Variants in OTULINL observed in about 807,000 individuals in gnomAD.
OTULINL encodes inactive ubiquitin thioesterase OTULINL.
Under a neutral mutation model 43.9 loss-of-function variants are expected in OTULINL, and 42 were observed. The ratio of observed to expected loss-of-function variants is 0.96; its 90% CI spans 0.75 to 1.24. The LOEUF is 1.24. Ranked by LOEUF, OTULINL falls within the 50% of genes most tolerant of loss-of-function variation. The pLI is 0.00. For missense variants in OTULINL, 411 were observed against 426.4 expected (o/e 0.96, Z 0.32); for synonymous variants, 172 against 153.6 (o/e 1.12, Z -0.88).
At chr5:14,597,626 C>T (rs1759309978) in intron 1 of OTULINL, among the ~76,000 whole-genome samples, 1 of 152,208 alleles carries the variant, frequency 6.6e-6, no homozygotes, top group South Asian at 2.1e-4. Flanking sequence ...CGCATTTCTC[C>T]TTTGATAGAG....
At chr5:14,610,046 T>C in intron 7 of OTULINL, 95 bp from the exon 8 acceptor site, 1 of 1,089,854 alleles carries the variant, frequency 9.2e-7, no homozygotes, top group Non-Finnish European at 1.4e-6. Flanking sequence ...AAGCAGATTA[T>C]TTCATAAACT....
chr5:14,609,841 A>G (rs1375844690), intron 7 of OTULINL, among the ~76,000 whole-genome samples: 1 of 152,054 alleles, frequency 6.6e-6, no homozygotes, highest in Non-Finnish European at 1.5e-5. Context: ...CGTGTTTTCG[A>G]TCTCCTGACC....
At chr5:14,608,686 TATGGA>T (rs1312764366) in intron 6 of OTULINL, 57 bp from the exon 7 acceptor site, 2 of 1,273,700 alleles carry the variant, frequency 1.6e-6, no homozygotes, top group African/African-American at 3.0e-5. Flanking sequence ...CATTAAAAGT[TATGGA>T]ATGGTATATG....
At chr5:14,590,233 C>T (rs1054095620) in intron 1 of OTULINL, among the ~76,000 whole-genome samples, 1 of 152,148 alleles carries the variant, frequency 6.6e-6, no homozygotes, top group African/African-American at 2.4e-5. Context: ...GATGCTATTA[C>T]TCTACAGCAG....
rs981250755 is a variant in OTULINL at position 14,586,476 on chromosome 5, T to C, written c.64+4518T>C. 2.0e-5 allele frequency among the ~76,000 whole-genome samples: 3 copies of C among 152,220 alleles called. No individual in the cohort carries two copies. In the East Asian group the frequency reaches 5.8e-4, roughly 29 times the overall value. On this transcript the variant is annotated intron_variant, in intron 1 of 7. Transcript: ENST00000274217. ...TACTGTTGCTGGGATTCCTAGGTAA[T>C]AAACAAAAATCCCAGAAACTGTAGC...
chr5:14,582,179 G>A (rs1759014125), intron 1 of OTULINL, among the ~76,000 whole-genome samples: 2 of 152,054 alleles, frequency 1.3e-5, no homozygotes, highest in African/African-American at 4.8e-5. Flanking sequence ...TGTCGGGGAC[G>A]GGGTAGCACT....
intron 7 of OTULINL, among the ~76,000 whole-genome samples, chr5:14,609,427 C>T (rs1335545108): frequency 6.6e-6 from 1 of 152,164 alleles, no homozygotes; most frequent in Non-Finnish European, 1.5e-5. Flanking sequence ...GCTTTTATCC[C>T]TCTAGAAAAG....
In OTULINL at chr5:14,613,444, C is replaced by T. The variant is rs1759614843; in HGVS notation, c.*3130C>T. On this transcript the variant is annotated 3_prime_UTR_variant, in exon 8 of 8. Coordinates refer to ENST00000274217, the MANE Select transcript of OTULINL (RefSeq NM_019018.3). ...ATTTCCTCTGGGCTTAAAAGAGCCT[C>T]AGTGGAGAAGTACAACCTAAGAGGG... is the stretch of plus-strand genomic sequence containing the variant. 6.6e-6 allele frequency among the ~76,000 whole-genome samples: 1 copy of T among 152,118 alleles called. No individual in the cohort carries two copies. The highest frequency in any genetic ancestry group is 2.4e-5 in the African/African-American group (1 of 41,398).
In OTULINL at chr5:14,614,972, G is replaced by T. The variant is rs1759646800; in HGVS notation, c.*4658G>T. The T allele has an allele frequency of 1.0e-5, 4 of 388,056 alleles. No individual in the cohort carries two copies. Among genetic ancestry groups the T allele is most frequent in the Admixed American group, 8.9e-5 (2 of 22,420 alleles). The allele number at this position is 388,056 out of a possible 1,614,324, so 24.0% of individuals were successfully genotyped here. ...TGATTCTTGGGAAGTTTAGTCAAGAGAATATCCTTGAATAAAGAAGTACAT... is the reference window on the plus strand; with the variant it reads ...TGATTCTTGGGAAGTTTAGTCAAGATAATATCCTTGAATAAAGAAGTACAT... On this transcript the variant is annotated 3_prime_UTR_variant, in exon 8 of 8. Coordinates refer to ENST00000274217, the MANE Select transcript of OTULINL (RefSeq NM_019018.3).
chr5:14,595,640 C>CTTTTTTTTTTTTTTTTTTTTTTTTTTTT (rs61482298), intron 1 of OTULINL, among the ~76,000 whole-genome samples: 1 of 57,110 alleles, frequency 1.8e-5, no homozygotes, highest in Non-Finnish European at 3.1e-5. Flanking sequence ...AAAAACGGTG[C>CTTTTTTTTTTTTTTTTTTTTTTTTTTTT]TTTTTTTTTT....
intron 1 of OTULINL, among the ~76,000 whole-genome samples, chr5:14,584,655 TTAA>T (rs774548423): frequency 7.2e-5 from 11 of 152,218 alleles, no homozygotes; most frequent in Non-Finnish European, 1.3e-4. Context: ...ACTACTATTA[TTAA>T]TATTACCTTC....
intron 1 of OTULINL, among the ~76,000 whole-genome samples, chr5:14,588,886 A>G (rs148963143): frequency 1.3e-5 from 2 of 152,206 alleles, no homozygotes; most frequent in Non-Finnish European, 2.9e-5. Context: ...CTCACACAGC[A>G]GTACCCAGCA....
chr5:14,608,665 T>C lies in OTULINL; in HGVS notation c.628-83T>C, dbSNP rs879187664. 2.1e-5 allele frequency: 23 copies of C among 1,113,268 alleles called. No individual in the cohort carries two copies. The South Asian group carries it at 3.7e-4, about 18-fold the overall frequency. The allele number at this position is 1,113,268 out of a possible 1,614,324, so 69.0% of individuals were successfully genotyped here. ...CTTTTTTCTATTAATCTTTGGTTTA[T>C]TTTATAAATACATTAAAAGTTATGG... On this transcript the variant is annotated intron_variant, in intron 6 of 7. Transcript: ENST00000274217.
At position 14,582,387 on chromosome 5, in the gene OTULINL, C is replaced by G. The variant is rs550781087; in HGVS notation, c.64+429C>G. On this transcript the variant is annotated intron_variant, in intron 1 of 7. Coordinates refer to ENST00000274217, the MANE Select transcript of OTULINL (RefSeq NM_019018.3). ...GGGCCCCGTGTCCTCTCGGGGAGCT[C>G]GACTCGCTGACGGAGGGAGTTGCGT... Among the ~76,000 whole-genome samples the G allele has an allele frequency of 2.0e-5, 3 of 152,172 alleles. No individual in the cohort carries two copies. In the South Asian group the frequency reaches 6.2e-4, roughly 32 times the overall value.
Position 14,581,941 on chromosome 5 carries a change from C to A in OTULINL, c.47C>A (p.Ser16Tyr). Residue 16 changes from serine (S) to tyrosine (Y), a missense_variant, in exon 1 of 8, where the codon TCT (serine) becomes TAT (tyrosine). By Grantham distance (144) the Ser-to-Tyr change is moderately radical. Coordinates refer to ENST00000274217, the MANE Select transcript of OTULINL (RefSeq NM_019018.3). The part of the protein sequence containing the change: ...SPTRARERER[S>Y]GAPAAGSDQV... ...ACGCGGGCAAGGGAGCGGGAGCGGT[C>A]TGGCGCTCCCGCCGCAGGTGAGCCT... 1 of 1,368,458 alleles carries A rather than the reference C, an allele frequency of 7.3e-7. No individual in the cohort carries two copies. The highest frequency in any genetic ancestry group is 1.6e-5 in the South Asian group (1 of 61,312). 84.8% of individuals were successfully genotyped at this position (1,368,458 alleles called of 1,614,324 possible).
chr5:14,605,637 A>C (rs761521377), intron 5 of OTULINL, among the ~76,000 whole-genome samples: 6 of 152,188 alleles, frequency 3.9e-5, no homozygotes, highest in Non-Finnish European at 7.3e-5. Flanking sequence ...AACAGCATCC[A>C]AGTCACTTCT....
rs575911691 is a variant in OTULINL, at chr5:14,613,055, C to T, written c.*2741C>T. Among the ~76,000 whole-genome samples, 179 of 152,118 alleles carry T rather than the reference C, an allele frequency of 1.2e-3. No individual in the cohort carries two copies. The highest frequency in any genetic ancestry group is 2.0e-3 in the Non-Finnish European group (135 of 67,974). The stretch of plus-strand genomic sequence containing the variant: ...CTCCTGCCTCAGCCTCCCGAGTAGC[C>T]GGGATTACAGGTGCCCACCACTACG... On this transcript the variant is annotated 3_prime_UTR_variant, in exon 8 of 8. Transcript: ENST00000274217.
intron 1 of OTULINL, among the ~76,000 whole-genome samples, chr5:14,586,062 T>G (rs1267148495): frequency 6.6e-6 from 1 of 152,258 alleles, no homozygotes; most frequent in African/African-American, 2.4e-5. Context: ...ACATGGCTAT[T>G]AAAGTCTCTA....
At chr5:14,602,056 C>T (rs992301210) in intron 4 of OTULINL, 127 bp from the exon 5 acceptor site, 95 of 656,376 alleles carry the variant, frequency 1.4e-4, no homozygotes, top group East Asian at 1.2e-4. Flanking sequence ...CGGTCATATT[C>T]GTAATTTATC....
Sources: gnomAD v4.1 joint callset for allele counts (sites outside exome capture counted in the v4.1 genomes callset) on GRCh38, gnomAD v4.1.1 for gene constraint, MANE v1.5 for transcripts, NCBI Gene and HGNC (gene_info 2026-07-23, HGNC 2026-07-21) for gene names.